Variants in INSL6 observed in about 807,000 individuals in gnomAD.
The protein encoded by INSL6 is insulin like 6, also known as insulin-like peptide INSL6.
A neutral mutation model predicts 9.4 loss-of-function variants in INSL6; 16 were observed. The ratio of observed to expected loss-of-function variants is 1.70; its 90% CI spans 1.15 to 2.59. INSL6 has a LOEUF of 2.59. Ranked by LOEUF, INSL6 falls within the 30% of genes most tolerant of loss-of-function variation. INSL6 has a pLI of 0.00. For missense variants in INSL6, 391 were observed against 257.3 expected (o/e 1.52, Z -3.56); for synonymous variants, 154 against 96.9 (o/e 1.59, Z -3.46).
the INSL6 span, among the ~76,000 whole-genome samples, chr9:5,072,114 G>A: frequency 6.6e-6 from 1 of 152,192 alleles, no homozygotes; most frequent in African/African-American, 2.4e-5. Flanking sequence ...ATAAGAGAAA[G>A]TCAGATATTC....
At chr9:5,093,824 A>G in the INSL6 span, among the ~76,000 whole-genome samples, 1 of 152,204 alleles carries the variant, frequency 6.6e-6, no homozygotes, top group African/African-American at 2.4e-5. Context: ...AGCCGCTATT[A>G]AGGGTTCATT....
intron 2 of INSL6, among the ~76,000 whole-genome samples, chr9:5,138,826 A>G (rs1824434578): frequency 6.6e-6 from 1 of 152,144 alleles, no homozygotes. Context: ...TCTCCTTCCT[A>G]GATGCAAAAA....
chr9:5,104,020 G>A, the INSL6 span, among the ~76,000 whole-genome samples: 2 of 152,100 alleles, frequency 1.3e-5, no homozygotes, highest in Non-Finnish European at 2.9e-5. Flanking sequence ...ACAGAAGCAA[G>A]AGCAAACAAA....
chr9:5,184,012 A>G (rs142615995), intron 1 of INSL6, among the ~76,000 whole-genome samples: 29 of 152,328 alleles, frequency 1.9e-4, no homozygotes, highest in African/African-American at 6.5e-4. Flanking sequence ...TTCCTTCATT[A>G]TAACAGAAGG....
At chr9:4,996,022 A>G in the INSL6 span, among the ~76,000 whole-genome samples, 1 of 152,178 alleles carries the variant, frequency 6.6e-6, no homozygotes, top group Non-Finnish European at 1.5e-5. Flanking sequence ...GTCATTTCAT[A>G]ATGGCAATCC....
chr9:5,007,061 T>A, the INSL6 span, among the ~76,000 whole-genome samples: 2 of 152,148 alleles, frequency 1.3e-5, no homozygotes, highest in Non-Finnish European at 2.9e-5. Flanking sequence ...TCAATTTTAA[T>A]GCTTTTAAAA....
chr9:5,077,174 G>C, the INSL6 span, among the ~76,000 whole-genome samples: 1 of 150,720 alleles, frequency 6.6e-6, no homozygotes, highest in Admixed American at 6.6e-5. Context: ...CCATAATTCA[G>C]TACTAATATA....
downstream of INSL6, among the ~76,000 whole-genome samples, chr9:5,163,052 C>T (rs1305503938): frequency 6.6e-6 from 1 of 152,172 alleles, no homozygotes; most frequent in Non-Finnish European, 1.5e-5. Flanking sequence ...AGGACTTCAA[C>T]AATAGTCATA....
downstream of INSL6, among the ~76,000 whole-genome samples, chr9:5,121,248 C>G (rs1823598731): frequency 6.6e-6 from 1 of 152,134 alleles, no homozygotes; most frequent in South Asian, 2.1e-4. Context: ...AAGCAGTCCC[C>G]TAAGAGATTT....
At chr9:5,081,261 T>A in the INSL6 span, among the ~76,000 whole-genome samples, 1 of 129,110 alleles carries the variant, frequency 7.7e-6, no homozygotes, top group South Asian at 2.2e-4. Flanking sequence ...ATTATAGTAT[T>A]TTTTTTTTGC....
chr9:5,168,152 A>C (rs1825096331), intron 1 of INSL6, among the ~76,000 whole-genome samples: 1 of 152,212 alleles, frequency 6.6e-6, no homozygotes, highest in Non-Finnish European at 1.5e-5. Context: ...GGAACTCAAA[A>C]AGCAAGAGTG....
the INSL6 span, chr9:5,069,235 A>AATTACTGGTCATGG: frequency 6.7e-7 from 1 of 1,486,438 alleles, no homozygotes; most frequent in Non-Finnish European, 9.3e-7. Flanking sequence ...GTTATTTTTA[A>AATTACTGGTCATGG]ATTACTGGTC....
At chr9:5,024,567 T>C in the INSL6 span, among the ~76,000 whole-genome samples, 1 of 152,074 alleles carries the variant, frequency 6.6e-6, no homozygotes, top group Admixed American at 6.5e-5. Context: ...GCATATGGCT[T>C]TTCTACTCTC....
the INSL6 span, among the ~76,000 whole-genome samples, chr9:5,092,743 C>T: frequency 3.3e-5 from 5 of 152,154 alleles, no homozygotes; most frequent in Admixed American, 1.3e-4. Context: ...TACTCACCTA[C>T]GTGGCAAAAT....
the INSL6 span, chr9:5,081,887 A>G: frequency 1.3e-6 from 2 of 1,583,414 alleles, no homozygotes; most frequent in Admixed American, 1.7e-5. Context: ...TTTTTCAAAT[A>G]GAGTATAATC....
chr9:5,041,267 G>T, the INSL6 span: 2 of 1,304,062 alleles, frequency 1.5e-6, no homozygotes, highest in Admixed American at 1.8e-5. Context: ...CATCGACCTC[G>T]GGCTGGCCAA....
chr9:5,066,186 A>G, the INSL6 span, among the ~76,000 whole-genome samples: 12 of 152,134 alleles, frequency 7.9e-5, no homozygotes, highest in Non-Finnish European at 1.5e-4. Context: ...AAAACATAAA[A>G]AATTTTAAAA....
the INSL6 span, among the ~76,000 whole-genome samples, chr9:5,032,211 G>C: frequency 6.6e-6 from 1 of 152,220 alleles, no homozygotes; most frequent in Admixed American, 6.5e-5. Flanking sequence ...AGGGGCGCCC[G>C]CCATTGCCGA....
the INSL6 span, among the ~76,000 whole-genome samples, chr9:5,086,546 C>G: frequency 6.6e-6 from 1 of 152,056 alleles, no homozygotes; most frequent in African/African-American, 2.4e-5. Context: ...TCATTGTTTT[C>G]TCATCACCTT....
Sources: gnomAD v4.1 joint callset for allele counts (sites outside exome capture counted in the v4.1 genomes callset) on GRCh38, gnomAD v4.1.1 for gene constraint, MANE v1.5 for transcripts, NCBI Gene and HGNC (gene_info 2026-07-23, HGNC 2026-07-21) for gene names.